PWWP3A: variants seen among roughly 807,000 people sequenced by gnomAD.
PWWP3A encodes the protein PWWP domain containing 3A, DNA repair factor, also known as PWWP domain-containing DNA repair factor 3A.
PWWP3A carries 53 observed loss-of-function variants against 79.0 expected under a neutral mutation model. The observed-to-expected ratio is 0.67, with a 90% CI of 0.54 to 0.84. The LOEUF is 0.84. Among genes scored for constraint, PWWP3A ranks in the 40% least tolerant of loss-of-function variants. The probability of loss-of-function intolerance (pLI) is 0.00; values close to 1 mark genes in which losing one functional copy is unlikely to be tolerated. For missense variants in PWWP3A, 973 were observed against 948.0 expected (o/e 1.03, Z -0.35); for synonymous variants, 443 against 394.4 (o/e 1.12, Z -1.46).
rs1287222625 is a variant in PWWP3A, at chr19:1,375,514, AT to A, written c.2076-1004del. ...AATATATAAATTTTATATATAATAT[AT>A]AAAATCATATAATTTATATATTTTA... On this transcript the variant is annotated intron_variant, in intron 13 of 13. Transcript: ENST00000591337. Among the ~76,000 whole-genome samples, 13 of 118,312 alleles carry A rather than the reference AT, an allele frequency of 1.1e-4. No individual in the cohort carries two copies. In the East Asian group the frequency reaches 2.2e-3, roughly 20 times the overall value. The allele number at this position is 118,312 out of a possible 152,430, so 77.6% of individuals were successfully genotyped here.
intron 7 of PWWP3A, among the ~76,000 whole-genome samples, chr19:1,365,795 G>A (rs971786738): frequency 6.6e-6 from 1 of 152,266 alleles, no homozygotes; most frequent in African/African-American, 2.4e-5. Flanking sequence ...TGAGAGCGCA[G>A]GGCGGAAGGG....
At chr19:1,357,236 A>G (rs1600095017) in intron 3 of PWWP3A, 142 bp downstream of exon 3, 2 of 621,108 alleles carry the variant, frequency 3.2e-6, no homozygotes. Context: ...AATGCTCATA[A>G]TAACCTCATG....
In PWWP3A at chr19:1,369,555, C is replaced by T; in HGVS notation, c.1499-41C>T. On this transcript the variant is annotated intron_variant, in intron 10 of 13. Transcript: ENST00000591337. The surrounding 1 kb of genome is among the most constrained non-coding windows in gnomAD (Gnocchi z 4.0). The stretch of plus-strand genomic sequence containing the variant: ...CTGGAACACACTTCCTGGGACTCCT[C>T]TTAGGTCTACACAGTGCTCTCTCCC... 1 of 1,612,108 alleles carries T rather than the reference C, an allele frequency of 6.2e-7. No homozygotes were observed. The highest frequency in any genetic ancestry group is 8.5e-7 in the Non-Finnish European group (1 of 1,178,184).
chr19:1,375,537 T>TAAATATAAAATATA (rs1162661703), intron 13 of PWWP3A, among the ~76,000 whole-genome samples: 1 of 96,216 alleles, frequency 1.0e-5, no homozygotes, highest in Non-Finnish European at 1.9e-5. Context: ...ATTTATATAT[T>TAAATATAAAATATA]TTATATATAA....
At chr19:1,370,204 C>T (rs1313360858) in intron 11 of PWWP3A, among the ~76,000 whole-genome samples, 1 of 152,182 alleles carries the variant, frequency 6.6e-6, no homozygotes, top group African/African-American at 2.4e-5. Flanking sequence ...CCGCTGCACT[C>T]CAGCCTGGGT....
intron 1 of PWWP3A, among the ~76,000 whole-genome samples, 167 bp downstream of exon 1, chr19:1,355,302 C>T (rs984347982): frequency 6.6e-6 from 1 of 151,882 alleles, no homozygotes; most frequent in South Asian, 2.1e-4. Context: ...GCCCCTGGCG[C>T]CGTGGGCCCC....
At position 1,362,263 on chromosome 19, in the gene PWWP3A, C is replaced by T. The variant is rs778688501; in HGVS notation, c.1125C>T (p.Ser375=). ...SQKLEKECQS[S]EESMGSNSMR... ...CATTATTGGCAGAGTGCCAGTCTTC[C>T]GAAGAGTCCATGGGGTCTAATTCCA... The change falls in exon 6 of 14, where the codon TCC becomes TCT. Residue 375 remains serine (S), a synonymous_variant. Transcript: ENST00000591337. 7 of 1,612,766 alleles carry T rather than the reference C, an allele frequency of 4.3e-6. No individual in the cohort carries two copies. The highest frequency in any genetic ancestry group is 1.1e-5 in the South Asian group (1 of 90,902).
chr19:1,375,984 T>A (rs1231800956), intron 13 of PWWP3A, among the ~76,000 whole-genome samples: 1 of 151,312 alleles, frequency 6.6e-6, no homozygotes, highest in Non-Finnish European at 1.5e-5. Context: ...TAATTTTTGT[T>A]ATTTTTAGTA....
chr19:1,365,943 G>A (rs980506090), intron 7 of PWWP3A, among the ~76,000 whole-genome samples: 4 of 152,354 alleles, frequency 2.6e-5, no homozygotes, highest in South Asian at 2.1e-4. Flanking sequence ...GCTTGTTCCC[G>A]AGCCTTTCTG....
intron 5 of PWWP3A, chr19:1,361,869 A>G: frequency 4.9e-6 from 1 of 202,326 alleles, no homozygotes; most frequent in Non-Finnish European, 1.0e-5. Context: ...TTCTATAGTC[A>G]GCTCCTGTCC....
At chr19:1,356,944 G>T in intron 2 of PWWP3A, 65 bp from the exon 3 acceptor site, 2 of 1,324,962 alleles carry the variant, frequency 1.5e-6, no homozygotes, top group Non-Finnish European at 2.2e-6. Flanking sequence ...TTGTGCTAAA[G>T]TTTGCCACTG....
Position 1,376,866 on chromosome 19 carries a change from G to A in PWWP3A, c.*290G>A. ...ACGGAAGCGTATTCACTGTGCGCCA[G>A]TACTCCTGGCTGTGCTGTGGTTTCT... On this transcript the variant is annotated 3_prime_UTR_variant, in exon 14 of 14. Transcript: ENST00000591337. The A allele has an allele frequency of 3.3e-6, 1 of 304,328 alleles. No individual in the cohort carries two copies. The highest frequency in any genetic ancestry group is 7.1e-5 in the South Asian group (1 of 14,156). 18.9% of individuals were successfully genotyped at this position (304,328 alleles called of 1,614,324 possible). A position where few individuals can be genotyped will look rare whatever the true frequency, so the allele number is the denominator to read the frequency against.
intron 12 of PWWP3A, among the ~76,000 whole-genome samples, chr19:1,371,896 C>G (rs978269649): frequency 2.4e-4 from 37 of 151,478 alleles, no homozygotes; most frequent in African/African-American, 8.7e-4. Flanking sequence ...CAAGCTCTGC[C>G]TCCCAGGTTC....
intron 2 of PWWP3A, 54 bp downstream of exon 2, chr19:1,356,503 A>T (rs576335371): frequency 8.3e-6 from 13 of 1,564,522 alleles, no homozygotes; most frequent in Non-Finnish European, 1.1e-5. Context: ...TCGGGTGACA[A>T]GTAAAATCTT....
At chr19:1,376,293 TTGTTTTTTTTTTTGTTTG>T (rs1167334579) in intron 13 of PWWP3A, among the ~76,000 whole-genome samples, 3 of 85,712 alleles carry the variant, frequency 3.5e-5, no homozygotes, top group East Asian at 2.3e-4. Flanking sequence ...GCCCGGCTGT[TTGTTTTTTTTTTTGTTTG>T]TTTTTTTTTT....
chr19:1,373,081 T>C lies in PWWP3A; in HGVS notation c.1996T>C (p.Cys666Arg). The C allele has an allele frequency of 6.2e-7, 1 of 1,614,182 alleles. No homozygotes were observed. The highest frequency in any genetic ancestry group is 8.5e-7 in the Non-Finnish European group (1 of 1,180,018). Residue 666 changes from cysteine (C) to arginine (R), a missense_variant, in exon 13 of 14, where the codon TGT (cysteine) becomes CGT (arginine). Cys to Arg is a radical substitution (Grantham distance 180). Coordinates refer to ENST00000591337, the MANE Select transcript of PWWP3A (RefSeq NM_001369789.1). ...CCGTGCCCTCTCACAGGCCATCATC[T>C]GTGCGATCTCTGCGGTGGACGAGGT... ...LDVLLPEAII[C>R]AISAVDEVDY...
intron 9 of PWWP3A, among the ~76,000 whole-genome samples, chr19:1,367,609 G>A (rs1024529324): frequency 2.0e-5 from 3 of 152,200 alleles, no homozygotes; most frequent in East Asian, 1.9e-4. Context: ...CCTTGCGGCC[G>A]GGGGCGTCCC....
chr19:1,371,076 G>T lies in PWWP3A; in HGVS notation c.1984G>T (p.Glu662Ter), dbSNP rs991964306. ...GTTCATTCTGGACGTGCTTCTGCCC[G>T]AGGTGAGCCGCGGACCGGCGTGTCA... ...IRFILDVLLP[E>*]AIICAISAVD... The change falls in exon 12 of 14, where the codon GAG becomes TAG. Residue 662 changes from glutamate to a stop codon, truncating the protein, a stop_gained and splice_region_variant. Transcript: ENST00000591337. LOFTEE classifies it high-confidence loss of function. 6.4e-7 allele frequency: 1 copy of T among 1,559,350 alleles called. No homozygotes were observed. Among genetic ancestry groups the T allele is most frequent in the Non-Finnish European group, 8.7e-7 (1 of 1,151,232 alleles).
At chr19:1,367,956 A>C (rs2082164730) in intron 9 of PWWP3A, among the ~76,000 whole-genome samples, 1 of 151,830 alleles carries the variant, frequency 6.6e-6, no homozygotes, top group East Asian at 1.9e-4. Flanking sequence ...ACGGAGTCTC[A>C]CTCTGTTGCC....
Sources: gnomAD v4.1 joint callset for allele counts (sites outside exome capture counted in the v4.1 genomes callset) on GRCh38, gnomAD v4.1.1 for gene constraint, Gnocchi (gnomAD v3.1) non-coding constraint, MANE v1.5 for transcripts, NCBI Gene and HGNC (gene_info 2026-07-23, HGNC 2026-07-21) for gene names.